Variants in CNTN1 observed in about 807,000 individuals in gnomAD.
The protein encoded by CNTN1 is contactin 1.
In CNTN1, 38 loss-of-function variants were observed where a neutral mutation model predicts 126.4. The ratio of observed to expected loss-of-function variants is 0.30; its 90% CI spans 0.23 to 0.39. The LOEUF is 0.39. Ranked by LOEUF, CNTN1 falls within the 10% of genes least tolerant of loss-of-function variation. The pLI is 1.00. For synonymous variants in CNTN1, 413 were observed against 422.6 expected, an observed-to-expected ratio of 0.98 and a Z score of 0.28; for missense variants, 1,009 against 1,248.4, an observed-to-expected ratio of 0.81 and a Z score of 2.89.
At chr12:41,066,528 A>G (rs1950052633) in intron 23 of CNTN1, among the ~76,000 whole-genome samples, 1 of 152,182 alleles carries the variant, frequency 6.6e-6, no homozygotes, top group South Asian at 2.1e-4. Flanking sequence ...TTTGGATATC[A>G]TCTCTGTCTT....
chr12:40,750,801 T>G (rs550199042), intron 1 of CNTN1, among the ~76,000 whole-genome samples: 1 of 152,192 alleles, frequency 6.6e-6, no homozygotes, highest in South Asian at 2.1e-4. Flanking sequence ...ATGTTTGAGA[T>G]CCTCTGGTCA....
Position 41,022,771 on chromosome 12 carries a change from A to T in CNTN1, c.2523+2331A>T, listed in dbSNP as rs568591822. ...TATTTTAGAGATGAAGAACTTGAGG[A>T]TTAGAAATGTTTGTCTGAGTAATAA... On this transcript the variant is annotated intron_variant, in intron 20 of 23. Coordinates refer to ENST00000551295, the MANE Select transcript of CNTN1 (RefSeq NM_001843.4). 3.9e-5 allele frequency among the ~76,000 whole-genome samples: 6 copies of T among 152,324 alleles called. No homozygotes were observed. In the South Asian group the frequency reaches 1.2e-3, roughly 32 times the overall value.
chr12:40,732,139 G>T (rs189885758), intron 1 of CNTN1, among the ~76,000 whole-genome samples: 1 of 151,992 alleles, frequency 6.6e-6, no homozygotes, highest in Non-Finnish European at 1.5e-5. Context: ...TTGCCTCACC[G>T]TATGGAAGGG....
chr12:41,018,100 A>T (rs12822820), intron 19 of CNTN1, among the ~76,000 whole-genome samples: 28,902 of 150,770 alleles, frequency 0.19, 2,960 homozygotes, highest in Non-Finnish European at 0.23. Context: ...CAAAAAAAAA[A>T]AATAATAATA....
At chr12:41,014,820 T>C (rs962602761) in intron 18 of CNTN1, among the ~76,000 whole-genome samples, 2 of 152,172 alleles carry the variant, frequency 1.3e-5, no homozygotes, top group Non-Finnish European at 2.9e-5. Flanking sequence ...AAGAGTTCTG[T>C]ATCAGAGACT....
chr12:40,998,003 A>C (rs1948262192), intron 17 of CNTN1, among the ~76,000 whole-genome samples: 1 of 152,166 alleles, frequency 6.6e-6, no homozygotes. Context: ...TATTTGTAGA[A>C]GATAAAAAGG....
At chr12:40,720,679 A>G (rs1025490056) in intron 1 of CNTN1, among the ~76,000 whole-genome samples, 2 of 152,156 alleles carry the variant, frequency 1.3e-5, no homozygotes, top group African/African-American at 2.4e-5. Flanking sequence ...CTGTAATCCC[A>G]GTACTTTGGG....
chr12:41,037,830 G>C lies in CNTN1; in HGVS notation c.2980+8611G>C, dbSNP rs200842307. 2.0e-5 allele frequency among the ~76,000 whole-genome samples: 3 copies of C among 152,194 alleles called. No individual in the cohort carries two copies. The East Asian group carries it at 5.8e-4, about 29-fold the overall frequency. On this transcript the variant is annotated intron_variant, in intron 23 of 23. Transcript: ENST00000551295. ...TGTGTTCTATTTATTTGCCTGGCTG[G>C]TGAGTACAAAGGCATTGATGGTATT...
rs370984371 is a variant in CNTN1 at position 40,707,227 on chromosome 12, C to CTTTTTTTTTTTTTTTTTTTTTT, written c.-77+14653_-77+14674dup. On this transcript the variant is annotated intron_variant, in intron 1 of 23. Coordinates refer to ENST00000551295, the MANE Select transcript of CNTN1 (RefSeq NM_001843.4). ...TTCCTCTTTCATTTCTTTTCTTTTT[C>CTTTTTTTTTTTTTTTTTTTTTT]TTTTTTTTTTTTTTTTTTTTTTTTT... Among the ~76,000 whole-genome samples, 143 of 109,176 alleles carry CTTTTTTTTTTTTTTTTTTTTTT rather than the reference C, an allele frequency of 1.3e-3. 12 individuals carry two copies. The highest frequency in any genetic ancestry group is 1.8e-3 in the Non-Finnish European group (100 of 55,750). 71.6% of individuals were successfully genotyped at this position (109,176 alleles called of 152,430 possible). A position where few individuals can be genotyped will look rare whatever the true frequency, so the allele number is the denominator to read the frequency against.
intron 1 of CNTN1, among the ~76,000 whole-genome samples, chr12:40,695,895 T>C (rs761186453): frequency 6.6e-6 from 1 of 152,244 alleles, no homozygotes; most frequent in Non-Finnish European, 1.5e-5. Flanking sequence ...TTTCCATTCC[T>C]AATCTCCCTC....
At chr12:40,918,512 A>G (rs901516704) in intron 3 of CNTN1, 127 bp from the exon 4 acceptor site, 2 of 845,066 alleles carry the variant, frequency 2.4e-6, no homozygotes, top group Admixed American at 2.3e-5. Context: ...GGAGGCAAAT[A>G]TCTTTGTTTT....
At chr12:41,047,207 C>T (rs1221394336) in intron 23 of CNTN1, among the ~76,000 whole-genome samples, 1 of 152,058 alleles carries the variant, frequency 6.6e-6, no homozygotes, top group East Asian at 1.9e-4. Context: ...ATGACAGTCA[C>T]CTACAGAAAC....
intron 2 of CNTN1, among the ~76,000 whole-genome samples, chr12:40,908,919 A>C (rs1456404297): frequency 6.6e-6 from 1 of 152,162 alleles, no homozygotes; most frequent in Non-Finnish European, 1.5e-5. Context: ...TAGTAAATAA[A>C]AGAGAGAAAA....
chr12:40,726,726 G>A (rs1942360073), intron 1 of CNTN1, among the ~76,000 whole-genome samples: 1 of 151,986 alleles, frequency 6.6e-6, no homozygotes, highest in African/African-American at 2.4e-5. Flanking sequence ...ATCAATAAAA[G>A]ATGTGAAATT....
chr12:40,902,514 C>T (rs55653124), intron 1 of CNTN1, among the ~76,000 whole-genome samples: 3 of 151,864 alleles, frequency 2.0e-5, no homozygotes, highest in South Asian at 2.1e-4. Flanking sequence ...TGAACTTTCA[C>T]GAGGTTGAAA....
chr12:40,698,680 C>G (rs1163625103), intron 1 of CNTN1, among the ~76,000 whole-genome samples: 2 of 152,158 alleles, frequency 1.3e-5, no homozygotes, highest in African/African-American at 2.4e-5. Flanking sequence ...AGTTGTCTTT[C>G]TAAAACCAAT....
At chr12:40,838,264 T>C (rs899627147) in intron 1 of CNTN1, among the ~76,000 whole-genome samples, 2 of 152,160 alleles carry the variant, frequency 1.3e-5, no homozygotes, top group African/African-American at 4.8e-5. Flanking sequence ...TATCTGCAAG[T>C]GCCATCTGTG....
chr12:40,841,548 A>G (rs1201838207), intron 1 of CNTN1, among the ~76,000 whole-genome samples: 1 of 152,086 alleles, frequency 6.6e-6, no homozygotes, highest in Admixed American at 6.5e-5. Flanking sequence ...AGCAAAATAA[A>G]TCCAATAACA....
intron 23 of CNTN1, among the ~76,000 whole-genome samples, chr12:41,042,628 T>C (rs1309629923): frequency 1.3e-5 from 2 of 152,074 alleles, no homozygotes; most frequent in Non-Finnish European, 2.9e-5. Flanking sequence ...ATGACTTTCT[T>C]CACAGAATTG....
Sources: gnomAD v4.1 joint callset for allele counts (sites outside exome capture counted in the v4.1 genomes callset) on GRCh38, gnomAD v4.1.1 for gene constraint, MANE v1.5 for transcripts, NCBI Gene and HGNC (gene_info 2026-07-23, HGNC 2026-07-21) for gene names.